The following AGBL1 variants were observed in gnomAD, a reference collection of about 807,000 sequenced individuals.
AGBL1 encodes the protein cytosolic carboxypeptidase 4.
Under a neutral mutation model 118.9 loss-of-function variants are expected in AGBL1, and 130 were observed. That is an observed-to-expected ratio of 1.09 (90% CI 0.95 to 1.26). The LOEUF (loss-of-function observed/expected upper bound fraction) is 1.26, where lower values mean the gene tolerates loss of function less well. Ranked by LOEUF, AGBL1 falls within the 50% of genes most tolerant of loss-of-function variation. The pLI is 0.00. For synonymous variants in AGBL1, 555 were observed against 478.9 expected (o/e 1.16, Z -2.08); for missense variants, 1,584 against 1,298.1 (o/e 1.22, Z -3.38).
intron 22 of AGBL1, among the ~76,000 whole-genome samples, chr15:86,744,350 G>C (rs143863150): frequency 6.6e-6 from 1 of 151,898 alleles, no homozygotes; most frequent in African/African-American, 2.4e-5. Flanking sequence ...TGTTTGTCCC[G>C]GCCTACCCCA....
chr15:86,588,390 C>T (rs983119967), intron 21 of AGBL1, among the ~76,000 whole-genome samples: 1 of 152,160 alleles, frequency 6.6e-6, no homozygotes, highest in African/African-American at 2.4e-5. Context: ...TCCTAAACAA[C>T]GAGATATGCC....
At chr15:86,982,337 T>C (rs1346521748) in intron 23 of AGBL1, among the ~76,000 whole-genome samples, 1 of 152,148 alleles carries the variant, frequency 6.6e-6, no homozygotes, top group African/African-American at 2.4e-5. Flanking sequence ...ATTTTACTCT[T>C]TTATAGTATA....
intron 19 of AGBL1, among the ~76,000 whole-genome samples, chr15:86,537,333 C>T (rs939237701): frequency 5.3e-5 from 8 of 152,230 alleles, no homozygotes; most frequent in Non-Finnish European, 1.0e-4. Context: ...GCTTCTACCT[C>T]GAGAACTTCA....
At chr15:86,837,950 G>A (rs757654946) in intron 22 of AGBL1, among the ~76,000 whole-genome samples, 3 of 152,090 alleles carry the variant, frequency 2.0e-5, no homozygotes, top group Non-Finnish European at 4.4e-5. Context: ...TGTGCAATCC[G>A]GAATGTAGGG....
intron 6 of AGBL1, among the ~76,000 whole-genome samples, 184 bp from the exon 7 acceptor site, chr15:86,247,487 C>G (rs2078739697): frequency 6.6e-6 from 1 of 152,172 alleles, no homozygotes; most frequent in Non-Finnish European, 1.5e-5. Context: ...TGATGACTGT[C>G]CCATTACTGG....
intron 22 of AGBL1, among the ~76,000 whole-genome samples, chr15:86,757,143 A>T (rs1376547484): frequency 2.6e-5 from 4 of 152,238 alleles, no homozygotes; most frequent in Non-Finnish European, 4.4e-5. Flanking sequence ...AGACAAGTTT[A>T]TTCATGATTA....
At chr15:86,489,940 C>G (rs889539814) in intron 18 of AGBL1, among the ~76,000 whole-genome samples, 1 of 152,040 alleles carries the variant, frequency 6.6e-6, no homozygotes, top group African/African-American at 2.4e-5. Context: ...TAAAAAGAAA[C>G]AGCAGGCAGG....
chr15:86,596,567 G>A (rs2084407625), intron 21 of AGBL1, among the ~76,000 whole-genome samples: 2 of 152,182 alleles, frequency 1.3e-5, no homozygotes, highest in South Asian at 2.1e-4. Context: ...TGCAATTCCT[G>A]GAAAACACCT....
intron 9 of AGBL1, among the ~76,000 whole-genome samples, chr15:86,261,022 A>G (rs561555091): frequency 6.6e-6 from 1 of 152,368 alleles, no homozygotes; most frequent in Non-Finnish European, 1.5e-5. Context: ...TTGCTGTTGC[A>G]CTGAGAAAAC....
rs1258290464 is a variant in AGBL1 at position 86,915,908 on chromosome 15, AG to A, written c.*8616del. ...TGAGTCCAGCCAACTCAGAGCTTCA[AG>A]GAGGCGTCCAGGAGAAACCTCCCTC... On this transcript the variant is annotated 3_prime_UTR_variant, in exon 23 of 23. Coordinates refer to ENST00000614907, the MANE Select transcript of AGBL1 (RefSeq NM_001386094.1). The A allele has an allele frequency of 6.6e-6, 1 of 152,226 alleles. No homozygotes were observed. Among genetic ancestry groups the A allele is most frequent in the Non-Finnish European group, 1.5e-5 (1 of 68,050 alleles). The allele number at this position is 152,226 out of a possible 1,614,324, so 9.4% of individuals were successfully genotyped here.
intron 22 of AGBL1, among the ~76,000 whole-genome samples, chr15:86,740,419 G>GC (rs2077661107): frequency 6.6e-6 from 1 of 152,146 alleles, no homozygotes; most frequent in African/African-American, 2.4e-5. Context: ...TGCCAGGTAT[G>GC]CCCCACACTC....
intron 22 of AGBL1, among the ~76,000 whole-genome samples, chr15:86,769,203 GA>G (rs1222354643): frequency 8.5e-5 from 3 of 35,338 alleles, no homozygotes; most frequent in Admixed American, 2.6e-4. Context: ...GAGAAAGAGG[GA>G]GAGAGAGAGA....
intron 24 of AGBL1, among the ~76,000 whole-genome samples, chr15:86,998,662 C>T (rs1032156883): frequency 7.9e-5 from 12 of 152,116 alleles, no homozygotes; most frequent in African/African-American, 2.9e-4. Context: ...ATGCTCAGTA[C>T]TCAACAAGGG....
At chr15:86,443,949 C>G (rs2082093309) in intron 18 of AGBL1, among the ~76,000 whole-genome samples, 2 of 152,152 alleles carry the variant, frequency 1.3e-5, no homozygotes, top group Non-Finnish European at 2.9e-5. Context: ...TGCTGATTTT[C>G]TTTCCTTTGG....
At chr15:86,900,379 C>G (rs549355219) in intron 22 of AGBL1, among the ~76,000 whole-genome samples, 29 of 152,232 alleles carry the variant, frequency 1.9e-4, no homozygotes, top group African/African-American at 6.7e-4. Flanking sequence ...TCTAAGATTC[C>G]TCAGAGAGAT....
In AGBL1 at chr15:86,908,282, G is replaced by C. The variant is rs895349037; in HGVS notation, c.*988G>C. ...AAAGAACATTCTATATAAGAATTCT[G>C]ACAGTTAAGAAAAAATTCTCACCAG... On this transcript the variant is annotated 3_prime_UTR_variant, in exon 23 of 23. Coordinates refer to ENST00000614907, the MANE Select transcript of AGBL1 (RefSeq NM_001386094.1). 1.3e-5 allele frequency: 2 copies of C among 152,048 alleles called. No homozygotes were observed. Among genetic ancestry groups the C allele is most frequent in the Non-Finnish European group, 2.9e-5 (2 of 68,012 alleles). The allele number at this position is 152,048 out of a possible 1,614,324, so 9.4% of individuals were successfully genotyped here.
At chr15:86,215,684 G>A (rs1258726828) in intron 5 of AGBL1, among the ~76,000 whole-genome samples, 1 of 152,154 alleles carries the variant, frequency 6.6e-6, no homozygotes, top group Admixed American at 6.6e-5. Context: ...GTAAAATGGC[G>A]ATTGTTATGA....
Position 86,266,423 on chromosome 15 carries a change from A to G in AGBL1, c.1717A>G (p.Ile573Val), listed in dbSNP as rs757075566. 1 of 1,577,922 alleles carries G rather than the reference A, an allele frequency of 6.3e-7. No homozygotes were observed. The highest frequency in any genetic ancestry group is 1.3e-5 in the African/African-American group (1 of 74,594). Reference sequence around the variant, plus strand: ...GAGGCTCATCCAGCCAAGTGATGTTATAAATAAAGTTGTCTTCAGTTTAGA... The same window carrying G: ...GAGGCTCATCCAGCCAAGTGATGTTGTAAATAAAGTTGTCTTCAGTTTAGA... The part of the protein sequence containing the change: ...IRRLIQPSDV[I>V]NKVVFSLDEP... The change falls in exon 12 of 23, where the codon ATA becomes GTA. Residue 573 changes from isoleucine to valine, a missense_variant. Ile to Val is a conservative substitution (Grantham distance 29). Transcript: ENST00000614907.
At chr15:86,607,130 T>C (rs2084588825) in intron 21 of AGBL1, among the ~76,000 whole-genome samples, 1 of 152,224 alleles carries the variant, frequency 6.6e-6, no homozygotes, top group Non-Finnish European at 1.5e-5. Flanking sequence ...TCCATTTCTT[T>C]TTATGGCTTG....
Sources: allele counts gnomAD v4.1 joint callset (sites outside exome capture counted in the v4.1 genomes callset), GRCh38; gene constraint gnomAD v4.1.1; transcripts MANE v1.5; gene names NCBI Gene and HGNC (gene_info 2026-07-23, HGNC 2026-07-21).